Variants in ZNF605 observed in about 807,000 individuals in gnomAD.
ZNF605 encodes the protein zinc finger protein 605.
ZNF605 carries 9 observed loss-of-function variants against 7.9 expected under a neutral mutation model. The ratio of observed to expected loss-of-function variants is 1.14; its 90% CI spans 0.68 to 1.98. The LOEUF (loss-of-function observed/expected upper bound fraction) is 1.98, where lower values mean the gene tolerates loss of function less well. Among genes scored for constraint, ZNF605 ranks in the 30% most tolerant of loss-of-function variants. The pLI, the probability that ZNF605 is intolerant of heterozygous loss-of-function variation, is 0.00. For missense variants in ZNF605, 673 were observed against 762.4 expected (o/e 0.88, Z 1.38); for synonymous variants, 255 against 260.1 (o/e 0.98, Z 0.19).
At position 132,926,577 on chromosome 12, in the gene ZNF605, A is replaced by T; in HGVS notation, c.722T>A (p.Ile241Asn). 1 of 1,614,208 alleles carries T rather than the reference A, an allele frequency of 6.2e-7. No individual in the cohort carries two copies. The highest frequency in any genetic ancestry group is 8.5e-7 in the Non-Finnish European group (1 of 1,180,030). Residue 241 changes from isoleucine to asparagine, a missense_variant, in exon 5 of 5, where the codon ATT becomes AAT. By Grantham distance (149) the Ile-to-Asn change is moderately radical. Coordinates refer to ENST00000360187, the MANE Select transcript of ZNF605 (RefSeq NM_183238.4). ...QKAFSRKSLL[I>N]LHQRIHTGEK... Reference sequence around the variant, plus strand: ...TCCAGTATGAATTCTCTGATGTAAAATGAGGAGTGACTTCCTACTAAAAGC... The same window carrying T: ...TCCAGTATGAATTCTCTGATGTAAATTGAGGAGTGACTTCCTACTAAAAGC...
chr12:132,944,689 T>C (rs1321515240), intron 3 of ZNF605: 1 of 152,288 alleles, frequency 6.6e-6, no homozygotes, highest in African/African-American at 2.4e-5. Context: ...TGCCCTTAGC[T>C]GACATTGAGG....
intron 1 of ZNF605, among the ~76,000 whole-genome samples, chr12:132,951,668 A>G (rs1186872342): frequency 7.2e-6 from 1 of 138,060 alleles, no homozygotes; most frequent in East Asian, 2.3e-4. Flanking sequence ...CCCACATAAC[A>G]TACACAGACA....
chr12:132,949,561 G>C (rs987866557), intron 1 of ZNF605, among the ~76,000 whole-genome samples: 1 of 151,898 alleles, frequency 6.6e-6, no homozygotes, highest in African/African-American at 2.4e-5. Flanking sequence ...GTTGAGGCTG[G>C]TCCCCAACAG....
intron 2 of ZNF605, among the ~76,000 whole-genome samples, chr12:132,947,830 C>T (rs1187571752): frequency 2.7e-5 from 4 of 149,566 alleles, no homozygotes; most frequent in African/African-American, 9.9e-5. Flanking sequence ...AGTGCAGTGG[C>T]GTGATCTCGG....
intron 1 of ZNF605, among the ~76,000 whole-genome samples, chr12:132,954,064 T>A (rs1217598925): frequency 5.9e-5 from 9 of 151,778 alleles, no homozygotes; most frequent in Admixed American, 5.9e-4. Context: ...TTCAACGATG[T>A]ACACTGGACC....
rs1345862716 is a variant in ZNF605 at position 132,927,134 on chromosome 12, C to T, written c.165G>A (p.Trp55Ter). The T allele has an allele frequency of 8.9e-6, 14 of 1,567,676 alleles. No homozygotes were observed. Among genetic ancestry groups the T allele is most frequent in the Non-Finnish European group, 1.2e-5 (14 of 1,167,854 alleles). ...LEVWLDNPKM[W>*]LRDNQDNLKS... is the part of the protein sequence containing the mutation. ...TAAGGTTGTCTTGATTATCTCGGAG[C>T]CACATTTTGGGATTATCTAGCCAGA... The change falls in exon 5 of 5, where the codon TGG becomes TGA. Residue 55 changes from tryptophan (W) to a stop codon, truncating the protein, a stop_gained. Transcript: ENST00000360187. LOFTEE classifies it low-confidence loss of function (END_TRUNC).
chr12:132,944,223 CT>C (rs112311221), intron 3 of ZNF605, among the ~76,000 whole-genome samples: 33,229 of 147,060 alleles, frequency 0.23, 3,699 homozygotes, highest in African/African-American at 0.25. Context: ...TATTCCTTTA[CT>C]TTTTTTTTTT....
Position 132,926,740 on chromosome 12 carries a change from G to C in ZNF605, c.559C>G (p.His187Asp), listed in dbSNP as rs1952251620. 1 of 1,613,894 alleles carries C rather than the reference G, an allele frequency of 6.2e-7. No homozygotes were observed. Among genetic ancestry groups the C allele is most frequent in the Non-Finnish European group, 8.5e-7 (1 of 1,179,888 alleles). ...FFNKKSQLVI[H>D]QRTHTGEKPY... ...TTCTCTCCTGTATGAGTTCTCTGGT[G>C]TATAACAAGTTGTGACTTCTTGTTA... The change falls in exon 5 of 5, where the codon CAC (histidine) becomes GAC (aspartate). Residue 187 changes from histidine to aspartate, a missense_variant. Physicochemically the swap from His to Asp is moderately conservative, Grantham distance 81. Coordinates refer to ENST00000360187, the MANE Select transcript of ZNF605 (RefSeq NM_183238.4).
intron 3 of ZNF605, among the ~76,000 whole-genome samples, chr12:132,935,810 G>A (rs887677281): frequency 1.7e-4 from 26 of 150,830 alleles, no homozygotes; most frequent in Non-Finnish European, 3.4e-4. Context: ...GGAGAATGGC[G>A]TGAACCCGGG....
chr12:132,953,813 G>A (rs1049444984), intron 1 of ZNF605, among the ~76,000 whole-genome samples: 28 of 151,798 alleles, frequency 1.8e-4, no homozygotes, highest in African/African-American at 6.1e-4. Flanking sequence ...ACACCCACAG[G>A]GTCCCCAATT....
At chr12:132,950,880 TCACACATACTCACAGACGCA>T (rs1238588311) in intron 1 of ZNF605, among the ~76,000 whole-genome samples, 1 of 145,620 alleles carries the variant, frequency 6.9e-6, no homozygotes, top group Non-Finnish European at 1.5e-5. Flanking sequence ...TACAAATACA[TCACACATACTCACAGACGCA>T]CACACATACT....
rs1395788225 is a variant in ZNF605 at position 132,925,095 on chromosome 12, A to G, written c.*278T>C. 3 of 314,274 alleles carry G rather than the reference A, an allele frequency of 9.5e-6. No individual in the cohort carries two copies. The highest frequency in any genetic ancestry group is 1.2e-5 in the Non-Finnish European group (2 of 173,300). The allele number at this position is 314,274 out of a possible 1,614,324, so 19.5% of individuals were successfully genotyped here. ...ACATTTAATAAACTGACTTTTGACT[A>G]AAAGCTTCTCTACTATCACAACACT... is the stretch of plus-strand genomic sequence containing the variant. On this transcript the variant is annotated 3_prime_UTR_variant, in exon 5 of 5. Coordinates refer to ENST00000360187, the MANE Select transcript of ZNF605 (RefSeq NM_183238.4).
At chr12:132,956,100 G>C (rs1952635014) in intron 1 of ZNF605, 143 bp downstream of exon 1, 1 of 150,206 alleles carries the variant, frequency 6.7e-6, no homozygotes, top group African/African-American at 2.5e-5. Flanking sequence ...GGCCTTTCTC[G>C]CCCCAGCCGG....
chr12:132,955,844 C>G (rs1342303018), intron 1 of ZNF605, among the ~76,000 whole-genome samples: 1 of 152,026 alleles, frequency 6.6e-6, no homozygotes, highest in Admixed American at 6.5e-5. Context: ...GGCCCCTCTC[C>G]CCTGGGGCCA....
At chr12:132,939,393 A>G (rs1201800863) in intron 3 of ZNF605, among the ~76,000 whole-genome samples, 60 of 151,862 alleles carry the variant, frequency 4.0e-4, no homozygotes, top group African/African-American at 1.3e-3. Flanking sequence ...AAATACACCA[A>G]TCGGCACTCT....
chr12:132,923,329 C>T lies in ZNF605; in HGVS notation c.*2044G>A, dbSNP rs1952219749. The T allele has an allele frequency of 6.6e-6, 1 of 152,158 alleles. No homozygotes were observed. The highest frequency in any genetic ancestry group is 2.1e-4 in the South Asian group (1 of 4,824). The allele number at this position is 152,158 out of a possible 1,614,324, so 9.4% of individuals were successfully genotyped here. On this transcript the variant is annotated 3_prime_UTR_variant, in exon 5 of 5. Coordinates refer to ENST00000360187, the MANE Select transcript of ZNF605 (RefSeq NM_183238.4). ...CAAACTTAAGTTTTGTATTATTTTC[C>T]TGCTGCCCTCAAACATCCTTTAATG... is the stretch of plus-strand genomic sequence containing the variant.
chr12:132,944,127 T>C (rs989002269), intron 3 of ZNF605, among the ~76,000 whole-genome samples: 2 of 152,204 alleles, frequency 1.3e-5, no homozygotes, highest in Admixed American at 6.5e-5. Context: ...TTGTCCTACA[T>C]GTCAACAAGC....
In ZNF605 at chr12:132,925,828, T is replaced by C. The variant is rs1952241385; in HGVS notation, c.1471A>G (p.Ser491Gly). Reference sequence around the variant, plus strand: ...TGGGTTCTCTGATGATGAATGAGACTTGACTTCTCACTGAAGGTTTTCCTG... The same window carrying C: ...TGGGTTCTCTGATGATGAATGAGACCTGACTTCTCACTGAAGGTTTTCCTG... ...ECRKTFSEKS[S>G]LIHHQRTHTG... Residue 491 changes from serine to glycine, a missense_variant, in exon 5 of 5, where the codon AGT (serine) becomes GGT (glycine). By Grantham distance (56) the Ser-to-Gly change is moderately conservative (BLOSUM62 0). Coordinates refer to ENST00000360187, the MANE Select transcript of ZNF605 (RefSeq NM_183238.4). 1 of 1,614,060 alleles carries C rather than the reference T, an allele frequency of 6.2e-7. No individual in the cohort carries two copies. The highest frequency in any genetic ancestry group is 1.7e-5 in the Admixed American group (1 of 59,996).
At chr12:132,939,710 G>A (rs1166547971) in intron 3 of ZNF605, among the ~76,000 whole-genome samples, 7 of 152,188 alleles carry the variant, frequency 4.6e-5, no homozygotes, top group Admixed American at 1.3e-4. Flanking sequence ...GTGGCAACCC[G>A]CTCGGGTCCT....
Sources: allele counts gnomAD v4.1 joint callset (sites outside exome capture counted in the v4.1 genomes callset), GRCh38; gene constraint gnomAD v4.1.1; transcripts MANE v1.5; gene names NCBI Gene and HGNC (gene_info 2026-07-23, HGNC 2026-07-21).